Variants in TMEM266 observed in about 807,000 individuals in gnomAD.
The protein encoded by TMEM266 is Hv1 related protein 1.
A neutral mutation model predicts 50.5 loss-of-function variants in TMEM266; 33 were observed. The observed-to-expected ratio is 0.65, with a 90% CI of 0.50 to 0.87. The LOEUF (loss-of-function observed/expected upper bound fraction) is 0.87. TMEM266 is among the 40% of genes least tolerant of loss of function. The probability of loss-of-function intolerance (pLI) is 0.00; values close to 1 mark genes in which losing one functional copy is unlikely to be tolerated. For synonymous variants in TMEM266, 310 were observed against 292.3 expected (o/e 1.06, Z -0.62); for missense variants, 655 against 695.1 (o/e 0.94, Z 0.65).
intron 1 of TMEM266, chr15:76,109,153 A>C (rs940532059): frequency 2.0e-5 from 3 of 152,222 alleles, no homozygotes; most frequent in Non-Finnish European, 4.4e-5. Context: ...AACCAGAAAG[A>C]CCTCAGCAGG....
chr15:76,102,489 A>G (rs2037014070), intron 1 of TMEM266, among the ~76,000 whole-genome samples: 1 of 152,166 alleles, frequency 6.6e-6, no homozygotes, highest in Non-Finnish European at 1.5e-5. Context: ...ACCTGAGAGA[A>G]GAGCATTCCA....
Position 76,147,226 on chromosome 15 carries a change from G to C in TMEM266, c.227+9331G>C, listed in dbSNP as rs530878659. ...CTCTGAGCATCCCTGCTAATTCCAT[G>C]CTTTCTCCACAAAGTCACCCTAGAA... is the stretch of plus-strand genomic sequence containing the variant. On this transcript the variant is annotated intron_variant, in intron 3 of 10. Transcript: ENST00000388942. 9.8e-4 allele frequency among the ~76,000 whole-genome samples: 149 copies of C among 152,304 alleles called. 2 individuals are homozygous for C. Among genetic ancestry groups the C allele is most frequent in the African/African-American group, 3.5e-3 (146 of 41,566 alleles).
intron 8 of TMEM266, among the ~76,000 whole-genome samples, chr15:76,189,106 C>G (rs1294982635): frequency 6.6e-6 from 1 of 152,094 alleles, no homozygotes; most frequent in Non-Finnish European, 1.5e-5. Flanking sequence ...GTGGGAGGAT[C>G]ACTTGAACCC....
intron 7 of TMEM266, among the ~76,000 whole-genome samples, chr15:76,173,509 C>T (rs1409148536): frequency 1.3e-5 from 2 of 152,194 alleles, no homozygotes; most frequent in Admixed American, 1.3e-4. Context: ...GCTGGTGGAG[C>T]ACAGGGCCCT....
Position 76,160,435 on chromosome 15 carries a change from G to T in TMEM266, c.456+267G>T, listed in dbSNP as rs2037999915. ...CAGGTGTTCTCCAGGTGAGGGGTGG[G>T]CGATGACTGGTGAAGGTGAGACTGA... On this transcript the variant is annotated intron_variant, in intron 5 of 10. Transcript: ENST00000388942. This position sits in a 1 kb window ranked among gnomAD's most constrained non-coding sequence, Gnocchi z 5.7. Among the ~76,000 whole-genome samples, 1 of 152,216 alleles carries T rather than the reference G, an allele frequency of 6.6e-6. No individual in the cohort carries two copies. The highest frequency in any genetic ancestry group is 6.5e-5 in the Admixed American group (1 of 15,282).
At position 76,161,062 on chromosome 15, in the gene TMEM266, G is replaced by A. The variant is rs548761629; in HGVS notation, c.456+894G>A. Reference sequence around the variant, plus strand: ...TGGAGGGTCACTGAAGGACAGGAGAGTTTCATGTGGAAAACTGGTTTCTCC... The same window carrying A: ...TGGAGGGTCACTGAAGGACAGGAGAATTTCATGTGGAAAACTGGTTTCTCC... On this transcript the variant is annotated intron_variant, in intron 5 of 10. Coordinates refer to ENST00000388942, the MANE Select transcript of TMEM266 (RefSeq NM_152335.3). The surrounding 1 kb of genome is among the most constrained non-coding windows in gnomAD (Gnocchi z 4.1). Among the ~76,000 whole-genome samples, 295 of 152,302 alleles carry A rather than the reference G, an allele frequency of 1.9e-3. 1 individual carries two copies. The highest frequency in any genetic ancestry group is 6.8e-3 in the African/African-American group (284 of 41,564).
intron 1 of TMEM266, among the ~76,000 whole-genome samples, chr15:76,122,716 C>T (rs1037472273): frequency 2.0e-5 from 3 of 152,236 alleles, no homozygotes; most frequent in African/African-American, 2.4e-5. Context: ...TTTAGTTCTC[C>T]AGAAACTCTG....
chr15:76,148,231 G>A (rs1180040730), intron 3 of TMEM266, among the ~76,000 whole-genome samples: 1 of 152,168 alleles, frequency 6.6e-6, no homozygotes, highest in African/African-American at 2.4e-5. Context: ...GGGATGGAAT[G>A]GGAGTCCCCA....
chr15:76,157,127 C>T (rs2037939533), intron 4 of TMEM266, among the ~76,000 whole-genome samples: 1 of 152,116 alleles, frequency 6.6e-6, no homozygotes, highest in Non-Finnish European at 1.5e-5. Flanking sequence ...AAAGAGAGTT[C>T]CCATTTACGG....
At chr15:76,089,261 C>T (rs1567146637) in intron 1 of TMEM266, among the ~76,000 whole-genome samples, 1 of 56,626 alleles carries the variant, frequency 1.8e-5, no homozygotes, top group Non-Finnish European at 3.4e-5. Context: ...GTGGCGTAAT[C>T]TCGGCTCACT....
chr15:76,113,988 G>A (rs2959830), intron 1 of TMEM266: 63,012 of 151,946 alleles, frequency 0.41, 14,370 homozygotes, highest in East Asian at 0.6. Context: ...GGCTACTTCA[G>A]GGCAGTTACA....
intron 8 of TMEM266, 62 bp downstream of exon 8, chr15:76,175,736 A>T: frequency 7.3e-7 from 1 of 1,377,294 alleles, no homozygotes; most frequent in South Asian, 1.2e-5. Context: ...TAGTGCCTAA[A>T]GCCATGGGTT....
At chr15:76,126,846 T>A (rs1411796378) in intron 1 of TMEM266, among the ~76,000 whole-genome samples, 2 of 152,072 alleles carry the variant, frequency 1.3e-5, no homozygotes, top group African/African-American at 4.8e-5. Flanking sequence ...AGAATCTTTT[T>A]TTTAAAAGAA....
intron 3 of TMEM266, among the ~76,000 whole-genome samples, chr15:76,152,910 A>G (rs2037866393): frequency 6.6e-6 from 1 of 152,044 alleles, no homozygotes; most frequent in South Asian, 2.1e-4. Context: ...ACCTTAGCTG[A>G]TGGTGGGGGC....
At chr15:76,067,739 T>G (rs2036459290) in intron 1 of TMEM266, among the ~76,000 whole-genome samples, 1 of 149,930 alleles carries the variant, frequency 6.7e-6, no homozygotes, top group Non-Finnish European at 1.5e-5. Context: ...CAATAACACA[T>G]CCTGTGACTG....
chr15:76,180,998 G>A (rs1194576412), intron 8 of TMEM266: 1 of 152,178 alleles, frequency 6.6e-6, no homozygotes, highest in Non-Finnish European at 1.5e-5. Context: ...CCAGTTTCTT[G>A]CATGAATATC....
chr15:76,081,628 G>A (rs1476407124), intron 1 of TMEM266, among the ~76,000 whole-genome samples: 2 of 152,220 alleles, frequency 1.3e-5, no homozygotes, highest in African/African-American at 2.4e-5. Context: ...TGACAGTGTA[G>A]ACAGTGGCAA....
In TMEM266 at chr15:76,160,806, ATC is replaced by A. The variant is rs1304895188; in HGVS notation, c.456+642_456+643del. Among the ~76,000 whole-genome samples, 3 of 152,016 alleles carry A rather than the reference ATC, an allele frequency of 2.0e-5. No individual in the cohort carries two copies. Among genetic ancestry groups the A allele is most frequent in the African/African-American group, 7.2e-5 (3 of 41,390 alleles). ...GTCGGCTAGTAGAGACCAAGTGCGA[ATC>A]TCTGTGGTGAGGGGAGGGGGAAAGT... On this transcript the variant is annotated intron_variant, in intron 5 of 10. Coordinates refer to ENST00000388942, the MANE Select transcript of TMEM266 (RefSeq NM_152335.3). This position sits in a 1 kb window ranked among gnomAD's most constrained non-coding sequence, Gnocchi z 5.7.
intron 4 of TMEM266, among the ~76,000 whole-genome samples, chr15:76,158,399 C>G (rs987106759): frequency 6.6e-6 from 1 of 152,232 alleles, no homozygotes; most frequent in East Asian, 1.9e-4. Flanking sequence ...TTCCCTCCCA[C>G]TCACCCATAC....
Sources: gnomAD v4.1 joint callset for allele counts (sites outside exome capture counted in the v4.1 genomes callset) on GRCh38, gnomAD v4.1.1 for gene constraint, Gnocchi (gnomAD v3.1) non-coding constraint, MANE v1.5 for transcripts, NCBI Gene and HGNC (gene_info 2026-07-23, HGNC 2026-07-21) for gene names.